AKT3: variants seen among roughly 807,000 people sequenced by gnomAD.
AKT3 encodes AKT serine/threonine kinase 3.
AKT3 carries 15 observed loss-of-function variants against 65.3 expected under a neutral mutation model. The ratio of observed to expected loss-of-function variants is 0.23; its 90% CI spans 0.15 to 0.35. AKT3 has a LOEUF of 0.35. AKT3 is among the 10% of genes least tolerant of loss of function. The probability of loss-of-function intolerance (pLI) is 1.00; values close to 1 mark genes in which losing one functional copy is unlikely to be tolerated. For missense variants in AKT3, 243 were observed against 576.5 expected (o/e 0.42, Z 5.92); for synonymous variants, 206 against 183.8 (o/e 1.12, Z -0.98).
chr1:243,676,247 G>A (rs765298701), intron 3 of AKT3, among the ~76,000 whole-genome samples: 1 of 152,188 alleles, frequency 6.6e-6, no homozygotes, highest in East Asian at 1.9e-4. Flanking sequence ...TTCGGGAAGA[G>A]TAAGTTACAC....
intron 3 of AKT3, among the ~76,000 whole-genome samples, chr1:243,666,293 C>T (rs930551201): frequency 4.6e-5 from 7 of 152,234 alleles, no homozygotes; most frequent in South Asian, 4.2e-4. Flanking sequence ...CTTGATCCAC[C>T]GTATCCAGCC....
At chr1:243,815,398 G>A (rs550446594) in intron 2 of AKT3, among the ~76,000 whole-genome samples, 15 of 152,086 alleles carry the variant, frequency 9.9e-5, no homozygotes, top group South Asian at 6.2e-4. Flanking sequence ...TCGTGTTTCC[G>A]TTAATATTTT....
chr1:243,648,151 G>C (rs1013669501), intron 4 of AKT3, among the ~76,000 whole-genome samples: 1 of 151,698 alleles, frequency 6.6e-6, no homozygotes, highest in Non-Finnish European at 1.5e-5. Context: ...CCAGCTACTC[G>C]GGAGACTGAG....
intron 2 of AKT3, among the ~76,000 whole-genome samples, chr1:243,733,749 G>A (rs1226798517): frequency 6.6e-6 from 1 of 152,098 alleles, no homozygotes. Flanking sequence ...ATGTGCAATA[G>A]CATTATGTCT....
intron 2 of AKT3, among the ~76,000 whole-genome samples, chr1:243,832,698 A>G (rs573462100): frequency 2.6e-5 from 4 of 152,302 alleles, no homozygotes; most frequent in South Asian, 2.1e-4. Context: ...TAGAACTCAG[A>G]AAGTCTTACT....
rs140736693 is a variant in AKT3 at position 243,706,214 on chromosome 1, A to G, written c.47-10498T>C. 1.4e-3 allele frequency among the ~76,000 whole-genome samples: 214 copies of G among 152,318 alleles called. 1 individual carries two copies. Among genetic ancestry groups the G allele is most frequent in the African/African-American group, 5.0e-3 (207 of 41,576 alleles). On this transcript the variant is annotated intron_variant, in intron 2 of 13. Coordinates refer to ENST00000673466, the MANE Select transcript of AKT3 (RefSeq NM_005465.7). ...AAATAAACCTACCACCATTTGAAAT[A>G]AAGACTATACTCCTGTCAGAAAAGC... is the stretch of plus-strand genomic sequence containing the variant.
In AKT3 at chr1:243,641,271, T is replaced by TAC. The variant is rs1333360659; in HGVS notation, c.430-3530_430-3529insGT. On this transcript the variant is annotated intron_variant, in intron 5 of 13. Coordinates refer to ENST00000673466, the MANE Select transcript of AKT3 (RefSeq NM_005465.7). ...ATATGTGTGTGTGTATATATATATA[T>TAC]ATACACACACACACACACGCACACA... Among the ~76,000 whole-genome samples, 500 of 148,434 alleles carry TAC rather than the reference T, an allele frequency of 3.4e-3. 2 individuals are homozygous for TAC. Among genetic ancestry groups the TAC allele is most frequent in the African/African-American group, 0.012 (481 of 40,000 alleles).
At chr1:243,498,454 G>A (rs914541773), downstream of AKT3, among the ~76,000 whole-genome samples, 1 of 152,144 alleles carries the variant, frequency 6.6e-6, no homozygotes, top group Non-Finnish European at 1.5e-5. Context: ...AGGTTTACGA[G>A]GAGGAGTGAG....
intron 8 of AKT3, among the ~76,000 whole-genome samples, chr1:243,606,296 G>GT (rs1677408639): frequency 6.6e-6 from 1 of 152,224 alleles, no homozygotes; most frequent in Non-Finnish European, 1.5e-5. Flanking sequence ...ACAGAAAAAC[G>GT]TGAGAAAGTT....
At chr1:243,513,379 G>A (rs1056833653) in intron 12 of AKT3, among the ~76,000 whole-genome samples, 11 of 152,126 alleles carry the variant, frequency 7.2e-5, no homozygotes, top group African/African-American at 2.4e-4. Flanking sequence ...TTAGAATACA[G>A]TTCTCACGGG....
Position 243,503,534 on chromosome 1 carries a change from C to A in AKT3, c.*1715G>T, listed in dbSNP as rs1386367714. 4.3e-6 allele frequency: 1 copy of A among 233,216 alleles called. No individual in the cohort carries two copies. Among genetic ancestry groups the A allele is most frequent in the Non-Finnish European group, 8.5e-6 (1 of 117,870 alleles). 14.4% of individuals were successfully genotyped at this position (233,216 alleles called of 1,614,324 possible). On this transcript the variant is annotated 3_prime_UTR_variant, in exon 14 of 14. Transcript: ENST00000673466. The stretch of plus-strand genomic sequence containing the variant: ...TGCTTGCCGCAAGAGTGGCCCCCAG[C>A]CCCTAGGACTTCACAGGCTGCTTTG...
At chr1:243,683,929 A>C (rs1684094005) in intron 3 of AKT3, among the ~76,000 whole-genome samples, 1 of 152,154 alleles carries the variant, frequency 6.6e-6, no homozygotes, top group Non-Finnish European at 1.5e-5. Context: ...TTACTTTAAG[A>C]AAAAACAACT....
intron 3 of AKT3, among the ~76,000 whole-genome samples, chr1:243,668,115 A>C (rs1239712173): frequency 6.6e-6 from 1 of 152,190 alleles, no homozygotes; most frequent in Non-Finnish European, 1.5e-5. Context: ...CTTTTCAACT[A>C]GATTGTAAGC....
chr1:243,576,030 T>A (rs867306373), intron 8 of AKT3, among the ~76,000 whole-genome samples: 1 of 152,124 alleles, frequency 6.6e-6, no homozygotes, highest in South Asian at 2.1e-4. Context: ...TTTCTGTAGA[T>A]AATAAGTATG....
At chr1:243,670,651 T>A (rs1332460490) in intron 3 of AKT3, among the ~76,000 whole-genome samples, 1 of 152,232 alleles carries the variant, frequency 6.6e-6, no homozygotes, top group Admixed American at 6.5e-5. Context: ...TTAATATGCA[T>A]CAGTAAAGTA....
chr1:243,651,349 T>A (rs1418140273), intron 4 of AKT3, among the ~76,000 whole-genome samples: 3 of 152,174 alleles, frequency 2.0e-5, no homozygotes, highest in East Asian at 3.8e-4. Flanking sequence ...ACAGAGACAA[T>A]TTGACTTCCT....
At chr1:243,838,193 T>C (rs1447990475) in intron 2 of AKT3, among the ~76,000 whole-genome samples, 1 of 152,164 alleles carries the variant, frequency 6.6e-6, no homozygotes, top group Non-Finnish European at 1.5e-5. Context: ...AATAATACAT[T>C]GAAACTCTAA....
chr1:243,528,465 C>A (rs931380855), intron 12 of AKT3, among the ~76,000 whole-genome samples: 2 of 152,126 alleles, frequency 1.3e-5, no homozygotes, highest in African/African-American at 4.8e-5. Context: ...TTGATCTTCA[C>A]CTTCCTCCTG....
intron 12 of AKT3, among the ~76,000 whole-genome samples, chr1:243,538,529 C>G (rs940174374): frequency 6.6e-6 from 1 of 152,000 alleles, no homozygotes; most frequent in African/African-American, 2.4e-5. Flanking sequence ...TGACTATATG[C>G]TGTCTAAAAG....
Sources: gnomAD v4.1 joint callset for allele counts (sites outside exome capture counted in the v4.1 genomes callset) on GRCh38, gnomAD v4.1.1 for gene constraint, MANE v1.5 for transcripts, NCBI Gene and HGNC (gene_info 2026-07-23, HGNC 2026-07-21) for gene names.